Variants in UPF3A observed in about 807,000 individuals in gnomAD.
The protein encoded by UPF3A is regulator of nonsense transcripts 3A.
A neutral mutation model predicts 53.5 loss-of-function variants in UPF3A; 42 were observed. The observed-to-expected ratio is 0.78, with a 90% CI of 0.61 to 1.01. The LOEUF is 1.01. Among genes scored for constraint, UPF3A ranks in the 50% least tolerant of loss-of-function variants. The probability of loss-of-function intolerance (pLI) is 0.00; values close to 1 mark genes in which losing one functional copy is unlikely to be tolerated. For synonymous variants in UPF3A, 237 were observed against 225.3 expected, an observed-to-expected ratio of 1.05 and a Z score of -0.47; for missense variants, 575 against 598.0, an observed-to-expected ratio of 0.96 and a Z score of 0.40.
intron 3 of UPF3A, chr13:114,285,443 T>G (rs976962872): frequency 1.3e-5 from 2 of 152,242 alleles, no homozygotes; most frequent in African/African-American, 4.8e-5. Flanking sequence ...TCCAGTGCCC[T>G]GCCGTCCCCC....
chr13:114,282,456 G>A, intron 2 of UPF3A: 2 of 985,284 alleles, frequency 2.0e-6, no homozygotes, highest in Middle Eastern at 5.2e-4. Flanking sequence ...CTGCGGGGCC[G>A]GGGGGCGCCG....
At chr13:114,282,640 T>G in intron 2 of UPF3A, 197 bp from the exon 3 acceptor site, 1 of 985,480 alleles carries the variant, frequency 1.0e-6, no homozygotes, top group South Asian at 4.7e-5. Flanking sequence ...AGAAGGGACC[T>G]GAGTTCTGCC....
intron 3 of UPF3A, chr13:114,283,817 G>A (rs538134033): frequency 1.0e-6 from 1 of 985,480 alleles, no homozygotes; most frequent in African/African-American, 1.7e-5. Context: ...TGGCTGTCAA[G>A]TTTGTATACC....
Position 114,288,847 on chromosome 13 carries a change from C to A in UPF3A, c.631+2218C>A, listed in dbSNP as rs562759956. Among the ~76,000 whole-genome samples the A allele has an allele frequency of 3.3e-5, 5 of 152,210 alleles. No individual in the cohort carries two copies. The South Asian group carries it at 1.0e-3, about 32-fold the overall frequency. On this transcript the variant is annotated intron_variant, in intron 5 of 9. Coordinates refer to ENST00000375299, the MANE Select transcript of UPF3A (RefSeq NM_023011.4). ...GGTAGGACAGTATTGGGGGCAAAGT[C>A]GAGATTTCACTTAAGAACTTGATAA...
chr13:114,294,361 C>T (rs1443934405), intron 7 of UPF3A, among the ~76,000 whole-genome samples: 1 of 151,290 alleles, frequency 6.6e-6, no homozygotes, highest in African/African-American at 2.4e-5. Context: ...CTCTACCTCC[C>T]AGGCTCAAGT....
chr13:114,303,099 TA>T (rs535362090), intron 9 of UPF3A, among the ~76,000 whole-genome samples: 49 of 144,984 alleles, frequency 3.4e-4, no homozygotes, highest in African/African-American at 3.8e-4. Context: ...AAATTACCTC[TA>T]AAAAAAAAAA....
At chr13:114,295,193 G>C (rs1012640588) in intron 7 of UPF3A, among the ~76,000 whole-genome samples, 5 of 152,142 alleles carry the variant, frequency 3.3e-5, no homozygotes, top group Admixed American at 1.3e-4. Flanking sequence ...GCTAAGCAGT[G>C]AGCTTATGTG....
chr13:114,301,306 A>T (rs958669269), intron 8 of UPF3A, among the ~76,000 whole-genome samples: 2 of 151,908 alleles, frequency 1.3e-5, no homozygotes, highest in Admixed American at 6.6e-5. Context: ...CTAAAAATAC[A>T]CAAAAAATTA....
intron 8 of UPF3A, 125 bp downstream of exon 8, chr13:114,299,125 C>G: frequency 1.0e-6 from 1 of 978,186 alleles, no homozygotes; most frequent in South Asian, 2.9e-5. Flanking sequence ...TGTGCGAGTA[C>G]ACGTTAGCCT....
At chr13:114,291,860 T>A in intron 7 of UPF3A, 68 bp downstream of exon 7, 1 of 1,483,104 alleles carries the variant, frequency 6.7e-7, no homozygotes, top group Admixed American at 2.3e-5. Context: ...TTTTTACATA[T>A]CTTAGTTCTT....
rs1473042761 is a variant in UPF3A at position 114,305,411 on chromosome 13, C to T, written c.*494C>T. The T allele has an allele frequency of 1.9e-5, 4 of 211,034 alleles. No individual in the cohort carries two copies. The highest frequency in any genetic ancestry group is 2.9e-5 in the Non-Finnish European group (3 of 102,612). 13.1% of individuals were successfully genotyped at this position (211,034 alleles called of 1,614,324 possible). On this transcript the variant is annotated 3_prime_UTR_variant, in exon 10 of 10. Coordinates refer to ENST00000375299, the MANE Select transcript of UPF3A (RefSeq NM_023011.4). ...TTGTGAGTCAGCCATGCCCGCAAAG[C>T]GTGCTGTGTTTTAGTCCTGGTAGGA...
chr13:114,298,870 C>T lies in UPF3A; in HGVS notation c.877C>T (p.Pro293Ser), dbSNP rs1203753467. The T allele has an allele frequency of 1.3e-6, 2 of 1,584,880 alleles. No homozygotes were observed. Among genetic ancestry groups the T allele is most frequent in the Non-Finnish European group, 1.7e-6 (2 of 1,168,386 alleles). Reference sequence around the variant, plus strand: ...TAAGAAACCAGAAAAGGGAGAGGAACCAACCACAGAGAAACCAAAAGAAAG... The same window carrying T: ...TAAGAAACCAGAAAAGGGAGAGGAATCAACCACAGAGAAACCAAAAGAAAG... ...LLKKPEKGEE[P>S]TTEKPKERGE... The change falls in exon 8 of 10, where the codon CCA (proline) becomes TCA (serine). Residue 293 changes from proline to serine, a missense_variant. Pro to Ser is a moderately conservative substitution (Grantham distance 74, BLOSUM62 -1). This residue lies in a region of UPF3A where 323 missense variants were observed against 415.2 expected (regional missense o/e 0.78). Transcript: ENST00000375299.
chr13:114,300,942 C>T (rs908577437), intron 8 of UPF3A, among the ~76,000 whole-genome samples: 5 of 150,876 alleles, frequency 3.3e-5, no homozygotes, highest in Non-Finnish European at 7.4e-5. Context: ...TCCCAGAGTG[C>T]TGGGATTACA....
intron 5 of UPF3A, among the ~76,000 whole-genome samples, chr13:114,289,752 T>C (rs1044164025): frequency 6.6e-6 from 1 of 152,170 alleles, no homozygotes; most frequent in African/African-American, 2.4e-5. Flanking sequence ...CTCTGAGACT[T>C]CTGTTTACTT....
intron 8 of UPF3A, among the ~76,000 whole-genome samples, chr13:114,299,344 T>G (rs1483046520): frequency 6.6e-6 from 1 of 152,222 alleles, no homozygotes; most frequent in African/African-American, 2.4e-5. Flanking sequence ...TTTTTTGTTT[T>G]TTATTTTTCT....
rs1046384978 is a variant in UPF3A, at chr13:114,298,824, C to T, written c.847-16C>T. The T allele has an allele frequency of 6.5e-7, 1 of 1,540,288 alleles. No homozygotes were observed. Among genetic ancestry groups the T allele is most frequent in the Non-Finnish European group, 8.7e-7 (1 of 1,148,784 alleles). On this transcript the variant is annotated splice_polypyrimidine_tract_variant and intron_variant, in intron 7 of 9. Coordinates refer to ENST00000375299, the MANE Select transcript of UPF3A (RefSeq NM_023011.4). Reference sequence around the variant, plus strand: ...TGCTCTCAAGGTGATACTTTACTAACATTGTAATTTCTCAGCTTCTTAAGA... The same window carrying T: ...TGCTCTCAAGGTGATACTTTACTAATATTGTAATTTCTCAGCTTCTTAAGA...
At chr13:114,294,811 C>T (rs576236434) in intron 7 of UPF3A, among the ~76,000 whole-genome samples, 35 of 150,504 alleles carry the variant, frequency 2.3e-4, no homozygotes, top group South Asian at 1.3e-3. Context: ...GGCGACAGAG[C>T]GAGACTCCGT....
chr13:114,298,110 G>A (rs1033649508), intron 7 of UPF3A, among the ~76,000 whole-genome samples: 5 of 152,142 alleles, frequency 3.3e-5, no homozygotes, highest in African/African-American at 4.8e-5. Flanking sequence ...GGTGGCTCAC[G>A]CCCATAATCC....
chr13:114,292,215 T>G (rs1243333859), intron 7 of UPF3A, among the ~76,000 whole-genome samples: 2 of 151,454 alleles, frequency 1.3e-5, no homozygotes, highest in East Asian at 2.0e-4. Context: ...ACGTGTTCAT[T>G]TTCGACTCAA....
Sources: gnomAD v4.1 joint callset for allele counts (sites outside exome capture counted in the v4.1 genomes callset) on GRCh38, gnomAD v4.1.1 for gene constraint, gnomAD v4.1.1 regional missense constraint, MANE v1.5 for transcripts, NCBI Gene and HGNC (gene_info 2026-07-23, HGNC 2026-07-21) for gene names.